ACBD5: variants seen among roughly 807,000 people sequenced by gnomAD.
ACBD5 encodes the protein acyl-CoA-binding domain-containing protein 5.
A neutral mutation model predicts 71.8 loss-of-function variants in ACBD5; 40 were observed. The observed-to-expected ratio is 0.56, with a 90% CI of 0.43 to 0.72. ACBD5 has a LOEUF of 0.72. ACBD5 is among the 30% of genes least tolerant of loss of function. The pLI, the probability that ACBD5 is intolerant of heterozygous loss-of-function variation, is 0.00. For missense variants in ACBD5, 559 were observed against 644.5 expected (o/e 0.87, Z 1.44); for synonymous variants, 229 against 218.6 (o/e 1.05, Z -0.42).
intron 5 of ACBD5, among the ~76,000 whole-genome samples, chr10:27,222,658 C>T (rs1258669112): frequency 2.0e-5 from 3 of 150,284 alleles, no homozygotes; most frequent in Non-Finnish European, 4.4e-5. Context: ...GCAAACTTTG[C>T]CTCCTGGGTT....
At chr10:27,237,194 T>A (rs192464203) in intron 2 of ACBD5, among the ~76,000 whole-genome samples, 292 of 145,860 alleles carry the variant, frequency 2.0e-3, no homozygotes, top group African/African-American at 6.9e-3. Flanking sequence ...CCAAATATGT[T>A]TATTGGCTTA....
At chr10:27,187,750 T>G in intron 13 of ACBD5, among the ~76,000 whole-genome samples, 1 of 74,720 alleles carries the variant, frequency 1.3e-5, no homozygotes. Flanking sequence ...AGACTCAGTC[T>G]CAAAAAAAAA....
At chr10:27,197,577 C>T in intron 12 of ACBD5, 135 bp from the exon 13 acceptor site, 1 of 692,170 alleles carries the variant, frequency 1.4e-6, no homozygotes, top group Non-Finnish European at 2.5e-6. Context: ...AGAACTACAT[C>T]ATATGACTTG....
intron 4 of ACBD5, among the ~76,000 whole-genome samples, chr10:27,230,006 T>C (rs538472369): frequency 5.3e-5 from 8 of 151,924 alleles, no homozygotes; most frequent in African/African-American, 1.7e-4. Flanking sequence ...ATTAACACAA[T>C]TGAATAGGAC....
intron 13 of ACBD5, chr10:27,186,951 CT>C (rs1564516201): frequency 8.3e-6 from 2 of 239,996 alleles, no homozygotes; most frequent in African/African-American, 4.6e-5. Flanking sequence ...ATATGATTAC[CT>C]TCAAAAGCTG....
At chr10:27,235,573 G>C (rs2138355419) in intron 2 of ACBD5, among the ~76,000 whole-genome samples, 1 of 152,252 alleles carries the variant, frequency 6.6e-6, no homozygotes, top group East Asian at 1.9e-4. Flanking sequence ...TTTATTCAAA[G>C]CTTATGACAA....
intron 4 of ACBD5, among the ~76,000 whole-genome samples, chr10:27,225,032 A>G (rs78293075): frequency 1.3e-5 from 2 of 151,030 alleles, no homozygotes; most frequent in South Asian, 4.2e-4. Flanking sequence ...CTCTGTTTCC[A>G]AAAAAAAAGA....
At position 27,196,182 on chromosome 10, in the gene ACBD5, AAGAG is replaced by A. The variant is rs1396244549; in HGVS notation, c.*1244_*1247del. The A allele has an allele frequency of 4.4e-6, 2 of 453,742 alleles. No individual in the cohort carries two copies. The highest frequency in any genetic ancestry group is 2.4e-5 in the Admixed American group (1 of 42,514). 28.1% of individuals were successfully genotyped at this position (453,742 alleles called of 1,614,324 possible). A position where few individuals can be genotyped will look rare whatever the true frequency, so the allele number is the denominator to read the frequency against. On this transcript the variant is annotated 3_prime_UTR_variant, in exon 13 of 13. Transcript: ENST00000396271. ...GCCATTGCCCTCCAGCCTGGGCAAC[AAGAG>A]AGAAACTCCATTTAAAAAAAAAAAT...
intron 13 of ACBD5, among the ~76,000 whole-genome samples, chr10:27,184,804 G>A (rs577168113): frequency 1.2e-4 from 18 of 151,798 alleles, no homozygotes; most frequent in Non-Finnish European, 2.4e-4. Flanking sequence ...CAAGTAATCC[G>A]CCCACCTCAG....
rs1413079829 is a variant in ACBD5 at position 27,228,813 on chromosome 10, ATATTTTTTT to A, written c.375+2926_375+2934del. On this transcript the variant is annotated intron_variant, in intron 4 of 12. Coordinates refer to ENST00000396271, the MANE Select transcript of ACBD5 (RefSeq NM_145698.5). ...TGTTTATATATATATATATATATAT[ATATTTTTTT>A]TTTTTTTTTTTTTTTTGAGACAGAT... is the stretch of plus-strand genomic sequence containing the variant. Among the ~76,000 whole-genome samples the A allele has an allele frequency of 0.02, 155 of 7,626 alleles. 3 individuals carry two copies. The South Asian group carries it at 0.23, about 11-fold the overall frequency. The allele number at this position is 7,626 out of a possible 152,430, so 5.0% of individuals were successfully genotyped here.
chr10:27,184,339 A>G (rs1464685362), intron 13 of ACBD5, among the ~76,000 whole-genome samples: 2 of 152,154 alleles, frequency 1.3e-5, no homozygotes, highest in African/African-American at 4.8e-5. Flanking sequence ...GGGAGCAGAC[A>G]TTTGGAAAGT....
At chr10:27,241,448 A>G (rs1239830384), upstream of ACBD5, among the ~76,000 whole-genome samples, 2 of 152,210 alleles carry the variant, frequency 1.3e-5, no homozygotes, top group Non-Finnish European at 2.9e-5. Flanking sequence ...TCCGAGGAGC[A>G]GCCGAAGGAG....
downstream of ACBD5, among the ~76,000 whole-genome samples, chr10:27,193,998 C>A (rs1245534332): frequency 3.3e-5 from 5 of 152,172 alleles, no homozygotes; most frequent in African/African-American, 9.7e-5. Context: ...CACCTGTAAT[C>A]CCAGCATTTT....
chr10:27,208,438 C>T lies in ACBD5; in HGVS notation c.1212G>A (p.Arg404=), dbSNP rs2060703537. Residue 404 remains arginine (R), a synonymous_variant, in exon 10 of 13, where the codon AGG becomes AGA. Coordinates refer to ENST00000396271, the MANE Select transcript of ACBD5 (RefSeq NM_145698.5). Reference sequence around the variant, plus strand: ...TGGTTCCTTCGCTCAAGTGTTGCATCCTATGTCCTATTTTAAGAGGCAAAA... The same window carrying T: ...TGGTTCCTTCGCTCAAGTGTTGCATTCTATGTCCTATTTTAAGAGGCAAAA... ...FSNVRRGRGH[R]MQHLSEGTKG... 6.2e-7 allele frequency: 1 copy of T among 1,613,736 alleles called. No individual in the cohort carries two copies. Among genetic ancestry groups the T allele is most frequent in the South Asian group, 1.1e-5 (1 of 91,066 alleles).
At chr10:27,187,190 C>T (rs549433343) in intron 13 of ACBD5, among the ~76,000 whole-genome samples, 1 of 152,282 alleles carries the variant, frequency 6.6e-6, no homozygotes, top group Non-Finnish European at 1.5e-5. Context: ...GTCCCAGCTA[C>T]TCTGGAGGCT....
At chr10:27,183,857 G>A (rs112976105) in intron 13 of ACBD5, among the ~76,000 whole-genome samples, 11,377 of 151,994 alleles carry the variant, frequency 0.075, 480 homozygotes, top group South Asian at 0.16. Context: ...TACTACTGGT[G>A]CACACTACCA....
chr10:27,193,622 A>T (rs2136385280), downstream of ACBD5: 1 of 152,328 alleles, frequency 6.6e-6, no homozygotes, highest in East Asian at 1.9e-4. Flanking sequence ...GAAAAATACA[A>T]CTGTTAATTG....
rs923467333 is a variant in ACBD5, at chr10:27,211,322, G to C, written c.937-241C>G. 9.2e-5 allele frequency among the ~76,000 whole-genome samples: 14 copies of C among 152,002 alleles called. No homozygotes were observed. The South Asian group carries it at 1.9e-3, about 20-fold the overall frequency. On this transcript the variant is annotated intron_variant, in intron 8 of 12. Transcript: ENST00000396271. ...AGAAGCTTGGGTAGTAAATTGTTTTGTTTGTTTGTTTGTTTTTGAGATGGA... is the reference window on the plus strand; with the variant it reads ...AGAAGCTTGGGTAGTAAATTGTTTTCTTTGTTTGTTTGTTTTTGAGATGGA...
At chr10:27,194,037 G>C (rs2059194092), downstream of ACBD5, among the ~76,000 whole-genome samples, 1 of 151,718 alleles carries the variant, frequency 6.6e-6, no homozygotes, top group African/African-American at 2.4e-5. Context: ...AATCACCTGA[G>C]GTTGGGAGTT....
Sources: allele counts gnomAD v4.1 joint callset (sites outside exome capture counted in the v4.1 genomes callset), GRCh38; gene constraint gnomAD v4.1.1; transcripts MANE v1.5; gene names NCBI Gene and HGNC (gene_info 2026-07-23, HGNC 2026-07-21).